The following BRAF variants were observed in gnomAD, a reference collection of about 807,000 sequenced individuals.
BRAF encodes the protein serine/threonine-protein kinase B-raf.
In BRAF, 16 loss-of-function variants were observed where a neutral mutation model predicts 104.6. The observed-to-expected ratio is 0.15, with a 90% CI of 0.10 to 0.23. The LOEUF (loss-of-function observed/expected upper bound fraction) is 0.23. BRAF is among the 10% of genes least tolerant of loss of function. BRAF has a pLI of 1.00. For synonymous variants in BRAF, 310 were observed against 341.6 expected (o/e 0.91, Z 1.02); for missense variants, 541 against 937.3 (o/e 0.58, Z 5.52).
chr7:140,719,481 T>A lies in BRAF; in HGVS notation c.*7013A>T. On this transcript the variant is annotated 3_prime_UTR_variant, in exon 20 of 20. Coordinates refer to ENST00000644969, the MANE Select transcript of BRAF (RefSeq NM_001374258.1). Reference sequence around the variant, plus strand: ...AATCTGAATTTCAGCTATCTTTTTTTATTCTCCATGCTTTCTATCCAAACT... The same window carrying A: ...AATCTGAATTTCAGCTATCTTTTTTAATTCTCCATGCTTTCTATCCAAACT... The A allele has an allele frequency of 9.8e-7, 1 of 1,020,198 alleles. No individual in the cohort carries two copies. The highest frequency in any genetic ancestry group is 1.2e-6 in the Non-Finnish European group (1 of 844,402). 63.2% of individuals were successfully genotyped at this position (1,020,198 alleles called of 1,614,324 possible).
At chr7:140,760,714 G>A (rs1306772692) in intron 14 of BRAF, among the ~76,000 whole-genome samples, 1 of 152,106 alleles carries the variant, frequency 6.6e-6, no homozygotes, top group Non-Finnish European at 1.5e-5. Flanking sequence ...GGGGCTGAAA[G>A]CCAAGGCTCG....
intron 9 of BRAF, among the ~76,000 whole-genome samples, chr7:140,786,803 C>CT (rs1801405942): frequency 6.6e-6 from 1 of 152,158 alleles, no homozygotes; most frequent in Non-Finnish European, 1.5e-5. Flanking sequence ...TAAGGTCAAT[C>CT]TTTAAGTATC....
At chr7:140,729,637 G>T (rs1220938379) in intron 19 of BRAF, among the ~76,000 whole-genome samples, 1 of 151,852 alleles carries the variant, frequency 6.6e-6, no homozygotes, top group Admixed American at 6.6e-5. Context: ...AAAAAATTAC[G>T]TGTGGTGCCA....
At chr7:140,894,635 A>G (rs1417458379) in intron 1 of BRAF, among the ~76,000 whole-genome samples, 3 of 152,162 alleles carry the variant, frequency 2.0e-5, no homozygotes, top group African/African-American at 7.2e-5. Context: ...TAGTAAGAGA[A>G]TAAGATTTAT....
intron 16 of BRAF, among the ~76,000 whole-genome samples, chr7:140,751,315 TA>T (rs1421444665): frequency 6.6e-6 from 1 of 152,186 alleles, no homozygotes; most frequent in African/African-American, 2.4e-5. Flanking sequence ...TAACATACTT[TA>T]AAAGCACGTG....
intron 1 of BRAF, among the ~76,000 whole-genome samples, chr7:140,853,097 A>G (rs1201350149): frequency 6.6e-6 from 1 of 152,142 alleles, no homozygotes; most frequent in Non-Finnish European, 1.5e-5. Flanking sequence ...AGAATGGCAC[A>G]GTAGCTATTC....
intron 1 of BRAF, among the ~76,000 whole-genome samples, chr7:140,856,789 G>A (rs1809834597): frequency 6.6e-6 from 1 of 152,082 alleles, no homozygotes; most frequent in Non-Finnish European, 1.5e-5. Flanking sequence ...CAAAACAGGT[G>A]AAAATAAAAA....
chr7:140,744,290 T>G (rs1305846005), intron 17 of BRAF, among the ~76,000 whole-genome samples: 1 of 152,224 alleles, frequency 6.6e-6, no homozygotes, highest in African/African-American at 2.4e-5. Context: ...CAGGTGAGCT[T>G]CCCTGGTTGG....
chr7:140,875,755 C>T (rs1246044303), intron 1 of BRAF, among the ~76,000 whole-genome samples: 2 of 152,154 alleles, frequency 1.3e-5, no homozygotes, highest in African/African-American at 4.8e-5. Flanking sequence ...ACAGGTTTCT[C>T]AGCAGAAACC....
Position 140,721,936 on chromosome 7 carries a change from CAG to C in BRAF, c.*4556_*4557del, listed in dbSNP as rs1462899791. Reference sequence around the variant, plus strand: ...ATTTACATTTCAAACTCTGAAAAATCAGTGTCTAGGTTGGCAGCAGTACTCTG... The same window carrying C: ...ATTTACATTTCAAACTCTGAAAAATCTGTCTAGGTTGGCAGCAGTACTCTG... On this transcript the variant is annotated 3_prime_UTR_variant, in exon 20 of 20. Transcript: ENST00000644969. The C allele has an allele frequency of 2.4e-6, 3 of 1,259,260 alleles. No individual in the cohort carries two copies. The highest frequency in any genetic ancestry group is 3.0e-6 in the Non-Finnish European group (3 of 1,004,492). 78.0% of individuals were successfully genotyped at this position (1,259,260 alleles called of 1,614,324 possible). A position where few individuals can be genotyped will look rare whatever the true frequency, so the allele number is the denominator to read the frequency against.
chr7:140,749,122 C>T (rs970181022), intron 17 of BRAF, 165 bp downstream of exon 16: 35 of 766,296 alleles, frequency 4.6e-5, no homozygotes, highest in South Asian at 4.0e-4. Context: ...AAGGACTTAA[C>T]GTGTTGCTAT....
At chr7:140,800,156 G>A in intron 7 of BRAF, 1 of 769,140 alleles carries the variant, frequency 1.3e-6, no homozygotes, top group Non-Finnish European at 2.0e-6. Flanking sequence ...ATTTTTTCAG[G>A]ACTGATTCTG....
intron 3 of BRAF, among the ~76,000 whole-genome samples, chr7:140,818,363 A>T (rs1303920479): frequency 6.7e-6 from 1 of 148,210 alleles, no homozygotes; most frequent in African/African-American, 2.5e-5. Flanking sequence ...CCCAGCCTGG[A>T]GTGCAGTGGC....
rs1795497184 is a variant in BRAF, at chr7:140,724,569, T to C, written c.*1925A>G. 2.9e-6 allele frequency: 3 copies of C among 1,041,218 alleles called. No homozygotes were observed. The highest frequency in any genetic ancestry group is 5.6e-5 in the Admixed American group (1 of 17,912). The allele number at this position is 1,041,218 out of a possible 1,614,324, so 64.5% of individuals were successfully genotyped here. On this transcript the variant is annotated 3_prime_UTR_variant, in exon 20 of 20. Transcript: ENST00000644969. ...AACTTAAGGATCTTTTCCATTTTACTAGGACAACCTTTTACAAGACAATGA... is the reference window on the plus strand; with the variant it reads ...AACTTAAGGATCTTTTCCATTTTACCAGGACAACCTTTTACAAGACAATGA...
At chr7:140,868,777 AT>A (rs1380195765) in intron 1 of BRAF, among the ~76,000 whole-genome samples, 1 of 152,204 alleles carries the variant, frequency 6.6e-6, no homozygotes, top group Non-Finnish European at 1.5e-5. Context: ...GATCAATTAT[AT>A]TTTTAAAGTA....
At chr7:140,917,127 C>T (rs1204198619) in intron 1 of BRAF, among the ~76,000 whole-genome samples, 1 of 152,238 alleles carries the variant, frequency 6.6e-6, no homozygotes, top group Non-Finnish European at 1.5e-5. Context: ...ATGACGCGAT[C>T]TCGGCTCACT....
Position 140,802,382 on chromosome 7 carries a change from C to T in BRAF, c.712-822G>A, listed in dbSNP as rs910069618. 1.1e-4 allele frequency among the ~76,000 whole-genome samples: 16 copies of T among 150,418 alleles called. No individual in the cohort carries two copies. The East Asian group carries it at 2.8e-3, about 26-fold the overall frequency. The stretch of plus-strand genomic sequence containing the variant: ...GCACGATCTCGGCTCACTGCAACCT[C>T]CACCTCCTGGTTCAAGTGATTCTCC... On this transcript the variant is annotated intron_variant, in intron 5 of 19. Coordinates refer to ENST00000644969, the MANE Select transcript of BRAF (RefSeq NM_001374258.1).
At chr7:140,909,404 G>A (rs1330363250) in intron 1 of BRAF, among the ~76,000 whole-genome samples, 1 of 151,992 alleles carries the variant, frequency 6.6e-6, no homozygotes, top group Non-Finnish European at 1.5e-5. Flanking sequence ...GGCAATAAGA[G>A]CAAAACTCCG....
chr7:140,919,820 A>G (rs1818017275), intron 1 of BRAF, among the ~76,000 whole-genome samples: 1 of 132,128 alleles, frequency 7.6e-6, no homozygotes, highest in South Asian at 2.2e-4. Flanking sequence ...TTCTACAAGC[A>G]AGTTTTTTTG....
Sources: gnomAD v4.1 joint callset for allele counts (sites outside exome capture counted in the v4.1 genomes callset) on GRCh38, gnomAD v4.1.1 for gene constraint, MANE v1.5 for transcripts, NCBI Gene and HGNC (gene_info 2026-07-23, HGNC 2026-07-21) for gene names.